FBXO4: variants seen among roughly 807,000 people sequenced by gnomAD.
FBXO4 encodes F-box only protein 4.
A neutral mutation model predicts 43.7 loss-of-function variants in FBXO4; 36 were observed. The observed-to-expected ratio is 0.82, with a 90% CI of 0.63 to 1.09. FBXO4 has a LOEUF of 1.09. FBXO4 is among the 50% of genes least tolerant of loss of function. The probability of loss-of-function intolerance (pLI) is 0.00; values close to 1 mark genes in which losing one functional copy is unlikely to be tolerated. For synonymous variants in FBXO4, 180 were observed against 165.6 expected (o/e 1.09, Z -0.67); for missense variants, 435 against 474.1 (o/e 0.92, Z 0.77).
At chr5:41,963,317 C>T in the FBXO4 span, among the ~76,000 whole-genome samples, 30 of 151,702 alleles carry the variant, frequency 2.0e-4, no homozygotes, top group Non-Finnish European at 4.0e-4. Flanking sequence ...TAAATACCTT[C>T]GGTGGTAGGA....
chr5:41,996,571 C>T, the FBXO4 span, among the ~76,000 whole-genome samples: 3 of 152,186 alleles, frequency 2.0e-5, no homozygotes, highest in Non-Finnish European at 4.4e-5. Flanking sequence ...CAGCCTGGAC[C>T]TATTGCAGAG....
chr5:42,030,795 A>T, the FBXO4 span, among the ~76,000 whole-genome samples: 1 of 152,226 alleles, frequency 6.6e-6, no homozygotes, highest in Non-Finnish European at 1.5e-5. Context: ...AAAGTGGGTG[A>T]GGGATATGAA....
the FBXO4 span, among the ~76,000 whole-genome samples, chr5:41,958,225 C>T: frequency 1.3e-5 from 2 of 151,576 alleles, no homozygotes; most frequent in African/African-American, 4.9e-5. Context: ...AGCTCCGCCT[C>T]CCGGGTTCAC....
the FBXO4 span, among the ~76,000 whole-genome samples, chr5:42,016,359 C>T: frequency 5.3e-5 from 8 of 151,786 alleles, no homozygotes; most frequent in Non-Finnish European, 1.2e-4. Context: ...ATTCCCCCTC[C>T]CTCCTTTTTT....
chr5:42,005,381 C>G, the FBXO4 span, among the ~76,000 whole-genome samples: 2 of 152,166 alleles, frequency 1.3e-5, no homozygotes, highest in East Asian at 3.8e-4. Flanking sequence ...GTGCTTCCAA[C>G]TTGGCTTATC....
chr5:41,946,285 T>C (rs1423016118), downstream of FBXO4, among the ~76,000 whole-genome samples: 2 of 152,184 alleles, frequency 1.3e-5, no homozygotes, highest in Non-Finnish European at 2.9e-5. Flanking sequence ...TATTTTTAAG[T>C]AAAAAGCAGA....
the FBXO4 span, among the ~76,000 whole-genome samples, chr5:41,991,903 A>T: frequency 6.6e-6 from 1 of 151,988 alleles, no homozygotes; most frequent in Non-Finnish European, 1.5e-5. Flanking sequence ...ACATGGAGAA[A>T]CCCCGTCTCT....
At chr5:42,024,407 AT>A in the FBXO4 span, among the ~76,000 whole-genome samples, 1 of 151,464 alleles carries the variant, frequency 6.6e-6, no homozygotes, top group Non-Finnish European at 1.5e-5. Flanking sequence ...AAAATTTTAT[AT>A]GTTCTTTTTA....
the FBXO4 span, among the ~76,000 whole-genome samples, chr5:41,995,861 C>T: frequency 1.3e-5 from 2 of 152,216 alleles, no homozygotes; most frequent in Non-Finnish European, 2.9e-5. Flanking sequence ...TTGCCCATTT[C>T]TCTTTCTATG....
chr5:42,018,109 T>C, the FBXO4 span, among the ~76,000 whole-genome samples: 3 of 150,140 alleles, frequency 2.0e-5, no homozygotes, highest in Admixed American at 1.3e-4. Context: ...AGGAACATAA[T>C]GAATAATTTC....
the FBXO4 span, among the ~76,000 whole-genome samples, chr5:41,978,225 C>T: frequency 6.6e-6 from 1 of 152,140 alleles, no homozygotes; most frequent in Non-Finnish European, 1.5e-5. Flanking sequence ...CACTCATCAC[C>T]ACTTTGTAAA....
the FBXO4 span, among the ~76,000 whole-genome samples, chr5:41,972,472 TA>T: frequency 2.5e-4 from 38 of 152,218 alleles, no homozygotes; most frequent in Non-Finnish European, 4.4e-4. Flanking sequence ...GGAAAATCAA[TA>T]TTGTTAAAAT....
chr5:41,950,030 G>T, the FBXO4 span, among the ~76,000 whole-genome samples: 42 of 152,250 alleles, frequency 2.8e-4, no homozygotes, highest in African/African-American at 9.6e-4. Context: ...AGCTGAAACT[G>T]GATCCCTTCC....
chr5:41,984,164 T>G, the FBXO4 span, among the ~76,000 whole-genome samples: 1 of 152,202 alleles, frequency 6.6e-6, no homozygotes, highest in Non-Finnish European at 1.5e-5. Context: ...ATCCATGGCA[T>G]TTTTAATAGT....
rs1052023472 is a variant in FBXO4, at chr5:41,941,376, T to A, written c.*95T>A. On this transcript the variant is annotated 3_prime_UTR_variant, in exon 7 of 7. Coordinates refer to ENST00000281623, the MANE Select transcript of FBXO4 (RefSeq NM_012176.3). The stretch of plus-strand genomic sequence containing the variant: ...CTCAGTCAGCCCACCTTGTCCTGCC[T>A]TTTTGCAGATAGGCTTTCATTTGGA... The A allele has an allele frequency of 1.0e-6, 1 of 979,710 alleles. No homozygotes were observed. Among genetic ancestry groups the A allele is most frequent in the African/African-American group, 1.6e-5 (1 of 62,256 alleles). 60.7% of individuals were successfully genotyped at this position (979,710 alleles called of 1,614,324 possible).
the FBXO4 span, among the ~76,000 whole-genome samples, chr5:41,992,324 G>A: frequency 6.6e-6 from 1 of 152,236 alleles, no homozygotes; most frequent in Admixed American, 6.5e-5. Flanking sequence ...GAACATGATG[G>A]TTTACAAACA....
At chr5:41,989,092 A>G in the FBXO4 span, among the ~76,000 whole-genome samples, 1 of 152,196 alleles carries the variant, frequency 6.6e-6, no homozygotes, top group Admixed American at 6.5e-5. Context: ...TTCAATATTT[A>G]AGAAAAAAAC....
At chr5:41,941,015 G>A (rs1252718703) in intron 6 of FBXO4, among the ~76,000 whole-genome samples, 177 bp from the exon 7 acceptor site, 4 of 152,148 alleles carry the variant, frequency 2.6e-5, no homozygotes, top group African/African-American at 9.7e-5. Flanking sequence ...TTACAAGAGA[G>A]ATGATCATAT....
chr5:41,987,809 T>C, the FBXO4 span, among the ~76,000 whole-genome samples: 55 of 152,352 alleles, frequency 3.6e-4, no homozygotes, highest in Non-Finnish European at 6.9e-4. Context: ...GTATTTTTAA[T>C]CTTCAGCATT....
Sources: gnomAD v4.1 joint callset for allele counts (sites outside exome capture counted in the v4.1 genomes callset) on GRCh38, gnomAD v4.1.1 for gene constraint, MANE v1.5 for transcripts, NCBI Gene and HGNC (gene_info 2026-07-23, HGNC 2026-07-21) for gene names.